The following CD1B variants were observed in gnomAD, a reference collection of about 807,000 sequenced individuals.
The protein encoded by CD1B is CD1b molecule, also known as T-cell surface glycoprotein CD1b.
Under a neutral mutation model 39.8 loss-of-function variants are expected in CD1B, and 43 were observed. The ratio of observed to expected loss-of-function variants is 1.08; its 90% CI spans 0.85 to 1.39. The LOEUF (loss-of-function observed/expected upper bound fraction) is 1.39, where lower values mean the gene tolerates loss of function less well. Among genes scored for constraint, CD1B ranks in the 40% most tolerant of loss-of-function variants. The probability of loss-of-function intolerance (pLI) is 0.00; values close to 1 mark genes in which losing one functional copy is unlikely to be tolerated. For missense variants in CD1B, 495 were observed against 403.8 expected (o/e 1.23, Z -1.94); for synonymous variants, 192 against 152.5 (o/e 1.26, Z -1.91).
At chr1:158,318,491 C>T in the CD1B span, among the ~76,000 whole-genome samples, 4 of 152,098 alleles carry the variant, frequency 2.6e-5, no homozygotes, top group African/African-American at 2.4e-5. Context: ...GCAATCCCTG[C>T]CTTTTTTTGT....
rs1487495136 is a variant in CD1B, at chr1:158,331,417, G to C, written c.7C>G (p.Leu3Val). Residue 3 changes from leucine to valine, a missense_variant, in exon 1 of 6, where the codon CTG becomes GTG. By Grantham distance (32) the Leu-to-Val change is conservative (BLOSUM62 1). Coordinates refer to ENST00000368168, the MANE Select transcript of CD1B (RefSeq NM_001764.3). ...ACAGCTAACAGTTGAAATGGCAGCA[G>C]CAGCATTTCACTGGGAGATGCAACT... ML[L>V]LPFQLLAVLF... 6.2e-7 allele frequency: 1 copy of C among 1,613,542 alleles called. No homozygotes were observed. Among genetic ancestry groups the C allele is most frequent in the East Asian group, 2.2e-5 (1 of 44,890 alleles).
the CD1B span, among the ~76,000 whole-genome samples, chr1:158,317,702 T>C: frequency 6.6e-6 from 1 of 152,232 alleles, no homozygotes; most frequent in East Asian, 1.9e-4. Context: ...TGCCTTCTGC[T>C]AGCTTTTGAA....
chr1:158,311,882 T>A, the CD1B span, among the ~76,000 whole-genome samples: 1 of 152,202 alleles, frequency 6.6e-6, no homozygotes, highest in Non-Finnish European at 1.5e-5. Context: ...AGTACCATGC[T>A]GTTTTGGTTA....
the CD1B span, among the ~76,000 whole-genome samples, chr1:158,300,529 T>C: frequency 6.6e-6 from 1 of 152,146 alleles, no homozygotes; most frequent in Non-Finnish European, 1.5e-5. Flanking sequence ...AAGTCCTGGA[T>C]ATCCTTGTTA....
chr1:158,314,911 G>T, the CD1B span, among the ~76,000 whole-genome samples: 2 of 147,936 alleles, frequency 1.4e-5, no homozygotes, highest in Non-Finnish European at 3.0e-5. Context: ...GCGGTGTTTG[G>T]TTTTTTGTTC....
the CD1B span, among the ~76,000 whole-genome samples, chr1:158,317,581 T>C: frequency 6.6e-6 from 1 of 152,128 alleles, no homozygotes; most frequent in Non-Finnish European, 1.5e-5. Context: ...TTGCTAGTGG[T>C]CTATCTATTT....
the CD1B span, among the ~76,000 whole-genome samples, chr1:158,317,362 G>T: frequency 1.3e-5 from 2 of 152,220 alleles, no homozygotes; most frequent in Non-Finnish European, 2.9e-5. Context: ...TCTATTCAGA[G>T]ATTCAACTTC....
At chr1:158,324,038 T>A (rs1477704830), downstream of CD1B, among the ~76,000 whole-genome samples, 1 of 152,256 alleles carries the variant, frequency 6.6e-6, no homozygotes, top group African/African-American at 2.4e-5. Context: ...AGATCACAGC[T>A]GAGTGGGTCT....
chr1:158,294,571 C>A, the CD1B span, among the ~76,000 whole-genome samples: 1 of 151,920 alleles, frequency 6.6e-6, no homozygotes, highest in African/African-American at 2.4e-5. Flanking sequence ...GTGTACAGTT[C>A]TATTTATTTT....
At chr1:158,291,524 C>T in the CD1B span, 3 of 953,618 alleles carry the variant, frequency 3.1e-6, no homozygotes, top group East Asian at 2.5e-5. Flanking sequence ...CATAGATGAA[C>T]CTTTTAAGGG....
chr1:158,310,332 A>G, the CD1B span, among the ~76,000 whole-genome samples: 1 of 152,236 alleles, frequency 6.6e-6, no homozygotes, highest in Non-Finnish European at 1.5e-5. Flanking sequence ...GATGGATTAA[A>G]GACTTAAATG....
chr1:158,311,803 T>C, the CD1B span, among the ~76,000 whole-genome samples: 1 of 152,190 alleles, frequency 6.6e-6, no homozygotes, highest in Admixed American at 6.6e-5. Context: ...ATAGGTTGGC[T>C]GTAAAGGCAT....
At position 158,329,389 on chromosome 1, in the gene CD1B, C is replaced by T. The variant is rs147200692; in HGVS notation, c.867G>A (p.Gln289=). 4.9e-5 allele frequency: 79 copies of T among 1,613,944 alleles called. No homozygotes were observed. The African/African-American group carries it at 9.9e-4, about 20-fold the overall frequency. Residue 289 remains glutamine (Q), a synonymous_variant, in exon 4 of 6, where the codon CAG becomes CAA. Transcript: ENST00000368168. ...TCTTACTCCAGTAGAGGATGATGTCCTGGCCCTCTAAACTGCTGTGCTTCA... is the reference window on the plus strand; with the variant it reads ...TCTTACTCCAGTAGAGGATGATGTCTTGGCCCTCTAAACTGCTGTGCTTCA... ...CRVKHSSLEG[Q]DIILYWRNPT...
At chr1:158,292,284 G>C in the CD1B span, 2 of 1,614,218 alleles carry the variant, frequency 1.2e-6, no homozygotes, top group Non-Finnish European at 1.7e-6. Flanking sequence ...CACAGAAACA[G>C]TGTATAATCT....
At chr1:158,315,284 G>T in the CD1B span, among the ~76,000 whole-genome samples, 5,385 of 152,162 alleles carry the variant, frequency 0.035, 131 homozygotes, top group East Asian at 0.055. Context: ...CAGTGTAAAA[G>T]TGTTCCTATT....
the CD1B span, among the ~76,000 whole-genome samples, chr1:158,317,994 G>T: frequency 6.6e-6 from 1 of 152,190 alleles, no homozygotes; most frequent in African/African-American, 2.4e-5. Flanking sequence ...TCTTAATTCT[G>T]AGTTCTAATT....
chr1:158,329,416 C>A lies in CD1B; in HGVS notation c.840G>T (p.Arg280=). Residue 280 remains arginine (R), a synonymous_variant, in exon 4 of 6, where the codon CGG becomes CGT. Coordinates refer to ENST00000368168, the MANE Select transcript of CD1B (RefSeq NM_001764.3). ...ADGEAAGLSC[R]VKHSSLEGQD... is the part of the protein sequence containing the mutation. ...GGCCCTCTAAACTGCTGTGCTTCAC[C>A]CGACAGGACAGGCCAGCCGCCTCCC... 1 of 1,614,138 alleles carries A rather than the reference C, an allele frequency of 6.2e-7. No individual in the cohort carries two copies. Among genetic ancestry groups the A allele is most frequent in the Middle Eastern group, 1.6e-4 (1 of 6,062 alleles).
At chr1:158,316,720 A>G in the CD1B span, among the ~76,000 whole-genome samples, 2 of 151,054 alleles carry the variant, frequency 1.3e-5, no homozygotes, top group Non-Finnish European at 2.9e-5. Context: ...GAGAGAGGGC[A>G]TCCTTGTCTT....
rs778580017 is a variant in CD1B at position 158,330,031 on chromosome 1, C to A, written c.428G>T (p.Ser143Ile). The change falls in exon 3 of 6, where the codon AGT (serine) becomes ATT (isoleucine). Residue 143 changes from serine to isoleucine, a missense_variant. Coordinates refer to ENST00000368168, the MANE Select transcript of CD1B (RefSeq NM_001764.3). ...AGGCACACATGAAGCATTCTTGACACTCAGGAAATCCAATCCTCCTAGAGC... is the reference window on the plus strand; with the variant it reads ...AGGCACACATGAAGCATTCTTGACAATCAGGAAATCCAATCCTCCTAGAGC... ...RGALGGLDFL[S>I]VKNASCVPSP... 35 of 1,613,950 alleles carry A rather than the reference C, an allele frequency of 2.2e-5. No homozygotes were observed. The highest frequency in any genetic ancestry group is 1.6e-4 in the Middle Eastern group (1 of 6,078).
Sources: gnomAD v4.1 joint callset for allele counts (sites outside exome capture counted in the v4.1 genomes callset) on GRCh38, gnomAD v4.1.1 for gene constraint, MANE v1.5 for transcripts, NCBI Gene and HGNC (gene_info 2026-07-23, HGNC 2026-07-21) for gene names.